WDR27: variants seen among roughly 807,000 people sequenced by gnomAD.
WDR27 encodes the protein WD repeat domain 27.
In WDR27, 100 loss-of-function variants were observed where a neutral mutation model predicts 114.4. That is an observed-to-expected ratio of 0.87 (90% confidence interval 0.74 to 1.03). WDR27 has a LOEUF of 1.03. WDR27 is among the 50% of genes least tolerant of loss of function. The pLI is 0.00. For missense variants in WDR27, 1,129 were observed against 1,092.9 expected (o/e 1.03, Z -0.47); for synonymous variants, 449 against 423.1 (o/e 1.06, Z -0.75).
Position 169,688,928 on chromosome 6 carries a change from T to G in WDR27, c.78A>C (p.Glu26Asp). ...SDIVIEKYLV[E>D]SKESVSHVQL... Reference sequence around the variant, plus strand: ...GAACATGAGACACAGACTCCTTGGATTCAACCAGGTATTTTTCTATAACTA... The same window carrying G: ...GAACATGAGACACAGACTCCTTGGAGTCAACCAGGTATTTTTCTATAACTA... Residue 26 changes from glutamate to aspartate, a missense_variant, in exon 2 of 26, where the codon GAA (glutamate) becomes GAC (aspartate). Physicochemically the swap from Glu to Asp is conservative, Grantham distance 45. Transcript: ENST00000448612. 1 of 1,613,980 alleles carries G rather than the reference T, an allele frequency of 6.2e-7. No individual in the cohort carries two copies. The highest frequency in any genetic ancestry group is 1.3e-5 in the African/African-American group (1 of 75,058).
rs1825447649 is a variant in WDR27, at chr6:169,659,692, C to T, written c.1130-174G>A. Reference sequence around the variant, plus strand: ...ATCCTCACACATACAAGGCCCCAGGCCACACACACACCAGCGCACACACCA... The same window carrying T: ...ATCCTCACACATACAAGGCCCCAGGTCACACACACACCAGCGCACACACCA... On this transcript the variant is annotated intron_variant, in intron 10 of 25. Transcript: ENST00000448612. The surrounding 1 kb of genome is among the most constrained non-coding windows in gnomAD (Gnocchi z 4.3). Among the ~76,000 whole-genome samples the T allele has an allele frequency of 1.3e-5, 2 of 151,872 alleles. No homozygotes were observed. The highest frequency in any genetic ancestry group is 2.9e-5 in the Non-Finnish European group (2 of 67,946).
chr6:169,629,459 C>T (rs1215598284), intron 21 of WDR27, among the ~76,000 whole-genome samples: 2 of 152,118 alleles, frequency 1.3e-5, no homozygotes, highest in African/African-American at 4.8e-5. Context: ...TGCTGACAGA[C>T]CATTTTCCAA....
At chr6:169,564,848 A>G (rs1357942488) in intron 25 of WDR27, among the ~76,000 whole-genome samples, 1 of 64,964 alleles carries the variant, frequency 1.5e-5, no homozygotes, top group Non-Finnish European at 3.5e-5. Flanking sequence ...TGCCTCAGGT[A>G]ACCAAACGCG....
intron 16 of WDR27, among the ~76,000 whole-genome samples, chr6:169,645,035 A>AT (rs1403448170): frequency 5.3e-5 from 3 of 56,658 alleles, no homozygotes; most frequent in Non-Finnish European, 8.9e-5. Context: ...AAAAAAAAAA[A>AT]TAAAAAAAAA....
intron 21 of WDR27, among the ~76,000 whole-genome samples, chr6:169,616,905 T>A (rs1562707822): frequency 6.6e-6 from 1 of 152,200 alleles, no homozygotes; most frequent in East Asian, 1.9e-4. Context: ...AAAAACATCA[T>A]AATAAACATG....
At chr6:169,464,696 A>G (rs1040714307) in intron 25 of WDR27, among the ~76,000 whole-genome samples, 1 of 152,272 alleles carries the variant, frequency 6.6e-6, no homozygotes, top group South Asian at 2.1e-4. Flanking sequence ...CTGACAAAGA[A>G]TTAATATCCA....
At chr6:169,538,735 C>A (rs1481455017) in intron 25 of WDR27, among the ~76,000 whole-genome samples, 1 of 149,988 alleles carries the variant, frequency 6.7e-6, no homozygotes. Flanking sequence ...CACACACACA[C>A]AAACACACTT....
rs573236787 is a variant in WDR27 at position 169,460,370 on chromosome 6, A to G, written c.2646-2736T>C. ...AAATTCACTGGTATAAATTCAAACT[A>G]GAGTGTTATAACTTTAGAATACTAC... On this transcript the variant is annotated intron_variant, in intron 25 of 25. Coordinates refer to ENST00000448612, the MANE Select transcript of WDR27 (RefSeq NM_182552.5). Among the ~76,000 whole-genome samples, 575 of 152,334 alleles carry G rather than the reference A, an allele frequency of 3.8e-3. 2 individuals are homozygous for G. The highest frequency in any genetic ancestry group is 5.7e-3 in the Non-Finnish European group (386 of 68,014).
intron 25 of WDR27, among the ~76,000 whole-genome samples, chr6:169,461,640 C>T (rs1292302880): frequency 1.5e-5 from 2 of 136,986 alleles, no homozygotes; most frequent in African/African-American, 2.7e-5. Flanking sequence ...GCTATAAATG[C>T]TTGTATTAAA....
At chr6:169,523,668 A>T (rs1157333702) in intron 25 of WDR27, among the ~76,000 whole-genome samples, 1 of 152,186 alleles carries the variant, frequency 6.6e-6, no homozygotes, top group East Asian at 1.9e-4. Flanking sequence ...CATCACATCA[A>T]CAGAATTAAG....
chr6:169,511,771 A>T (rs1218389015), intron 25 of WDR27, among the ~76,000 whole-genome samples: 1 of 152,200 alleles, frequency 6.6e-6, no homozygotes, highest in Non-Finnish European at 1.5e-5. Context: ...TTCAGCTACT[A>T]TTCATATCTG....
At chr6:169,638,982 C>T (rs990414744) in intron 17 of WDR27, among the ~76,000 whole-genome samples, 3 of 152,054 alleles carry the variant, frequency 2.0e-5, no homozygotes, top group Non-Finnish European at 2.9e-5. Context: ...GTGCTGGGTA[C>T]TGTGCAGTGC....
intron 25 of WDR27, among the ~76,000 whole-genome samples, chr6:169,463,779 A>C (rs1055308679): frequency 1.3e-5 from 2 of 152,246 alleles, no homozygotes; most frequent in African/African-American, 4.8e-5. Context: ...GGAAATTATT[A>C]AAACAATTCC....
In WDR27 at chr6:169,645,606, C is replaced by T. The variant is rs564399074; in HGVS notation, c.1658-1820G>A. Among the ~76,000 whole-genome samples the T allele has an allele frequency of 3.1e-4, 46 of 150,680 alleles. No homozygotes were observed. The South Asian group carries it at 9.4e-3, about 31-fold the overall frequency. On this transcript the variant is annotated intron_variant, in intron 16 of 25. Coordinates refer to ENST00000448612, the MANE Select transcript of WDR27 (RefSeq NM_182552.5). Reference sequence around the variant, plus strand: ...GTAGAAGACCCTAGTTCGCAGGAGTCCCACTGTAGAAAAGCCTAGTTCACA... The same window carrying T: ...GTAGAAGACCCTAGTTCGCAGGAGTTCCACTGTAGAAAAGCCTAGTTCACA...
At chr6:169,693,977 T>C (rs1385173115) in intron 1 of WDR27, among the ~76,000 whole-genome samples, 1 of 152,152 alleles carries the variant, frequency 6.6e-6, no homozygotes, top group Admixed American at 6.5e-5. Flanking sequence ...AACTACACCG[T>C]AGAACAAATA....
At chr6:169,581,253 T>C (rs974443960) in intron 24 of WDR27, among the ~76,000 whole-genome samples, 4 of 152,146 alleles carry the variant, frequency 2.6e-5, no homozygotes, top group African/African-American at 9.7e-5. Context: ...GAAAGACATT[T>C]TGATGCCAAA....
At chr6:169,552,973 G>GGGGTGTGT (rs1472592601) in intron 25 of WDR27, among the ~76,000 whole-genome samples, 5 of 61,792 alleles carry the variant, frequency 8.1e-5, no homozygotes, top group Non-Finnish European at 1.3e-4. Context: ...GGGCCTGCCC[G>GGGGTGTGT]GTGTGTGTGT....
intron 22 of WDR27, among the ~76,000 whole-genome samples, chr6:169,610,874 T>C (rs754501478): frequency 2.6e-5 from 4 of 152,154 alleles, no homozygotes; most frequent in Non-Finnish European, 5.9e-5. Context: ...AGTGGTATGA[T>C]TGAATTTGGA....
the WDR27 span, among the ~76,000 whole-genome samples, chr6:169,433,368 G>C: frequency 6.6e-6 from 1 of 152,150 alleles, no homozygotes. Context: ...GTGTTAGTTT[G>C]CTGAGAATGA....
Sources: gnomAD v4.1 joint callset for allele counts (sites outside exome capture counted in the v4.1 genomes callset) on GRCh38, gnomAD v4.1.1 for gene constraint, Gnocchi (gnomAD v3.1) non-coding constraint, MANE v1.5 for transcripts, NCBI Gene and HGNC (gene_info 2026-07-23, HGNC 2026-07-21) for gene names.